ILRUN: variants seen among roughly 807,000 people sequenced by gnomAD.
ILRUN encodes the protein protein ILRUN.
A neutral mutation model predicts 33.8 loss-of-function variants in ILRUN; 3 were observed. The observed-to-expected ratio is 0.09, with a 90% CI of 0.04 to 0.23. The LOEUF is 0.23. Ranked by LOEUF, ILRUN falls within the 10% of genes least tolerant of loss-of-function variation. The probability of loss-of-function intolerance (pLI) is 1.00; values close to 1 mark genes in which losing one functional copy is unlikely to be tolerated. For synonymous variants in ILRUN, 124 were observed against 138.9 expected (o/e 0.89, Z 0.75); for missense variants, 210 against 375.1 (o/e 0.56, Z 3.64).
chr6:34,674,417 T>C (rs1038985007), intron 1 of ILRUN, among the ~76,000 whole-genome samples: 6 of 152,188 alleles, frequency 3.9e-5, no homozygotes, highest in African/African-American at 1.4e-4. Flanking sequence ...ACAGAGACAG[T>C]AACTTGCCAT....
intron 1 of ILRUN, among the ~76,000 whole-genome samples, chr6:34,669,748 C>T (rs996722326): frequency 1.3e-5 from 2 of 152,078 alleles, no homozygotes; most frequent in East Asian, 3.9e-4. Context: ...AATAAGTAAA[C>T]AAAATGTGGT....
intron 3 of ILRUN, among the ~76,000 whole-genome samples, chr6:34,618,178 A>G (rs2127336235): frequency 6.6e-6 from 1 of 152,332 alleles, no homozygotes; most frequent in African/African-American, 2.4e-5. Context: ...TTCAGAATGA[A>G]AAAGGAAAAA....
intron 3 of ILRUN, among the ~76,000 whole-genome samples, chr6:34,624,990 C>G (rs916339172): frequency 1.3e-5 from 2 of 152,252 alleles, no homozygotes; most frequent in South Asian, 4.2e-4. Flanking sequence ...TGCTCCCCAT[C>G]AATATCACAA....
intron 3 of ILRUN, among the ~76,000 whole-genome samples, chr6:34,635,612 CT>C (rs778064465): frequency 0.19 from 19,851 of 104,574 alleles, 1,344 homozygotes; most frequent in East Asian, 0.25. Context: ...TCTTAGAAAG[CT>C]TTTTTTTTTT....
chr6:34,608,737 A>G (rs1582040213), intron 3 of ILRUN, among the ~76,000 whole-genome samples: 1 of 152,222 alleles, frequency 6.6e-6, no homozygotes, highest in Admixed American at 6.5e-5. Flanking sequence ...AAACTCTACC[A>G]CCTATCCACA....
intron 1 of ILRUN, among the ~76,000 whole-genome samples, chr6:34,683,476 A>ATATATATG (rs1763437324): frequency 1.8e-5 from 2 of 113,370 alleles, no homozygotes; most frequent in African/African-American, 7.3e-5. Context: ...ATATATACAC[A>ATATATATG]TATATATATA....
intron 3 of ILRUN, among the ~76,000 whole-genome samples, chr6:34,624,322 T>A (rs891172449): frequency 4.0e-5 from 6 of 151,880 alleles, no homozygotes; most frequent in African/African-American, 1.5e-4. Context: ...TAATTTATTT[T>A]TTTATTTTTT....
At chr6:34,621,776 C>T (rs1762018075) in intron 3 of ILRUN, among the ~76,000 whole-genome samples, 1 of 151,966 alleles carries the variant, frequency 6.6e-6, no homozygotes, top group African/African-American at 2.4e-5. Flanking sequence ...GCAGGAGAAT[C>T]ACTTGAACCC....
chr6:34,592,525 C>G lies in ILRUN; in HGVS notation c.862-1925G>C, dbSNP rs1322981282. On this transcript the variant is annotated intron_variant, in intron 4 of 4. Coordinates refer to ENST00000374023, the MANE Select transcript of ILRUN (RefSeq NM_024294.4). This position sits in a 1 kb window ranked among gnomAD's most constrained non-coding sequence, Gnocchi z 4.0. ...TTGCAAGTCCTGGTAGGGGGGGTCC[C>G]ATACATCAGAGGTATCAAGTTCACG... Among the ~76,000 whole-genome samples the G allele has an allele frequency of 6.6e-6, 1 of 152,246 alleles. No homozygotes were observed. Among genetic ancestry groups the G allele is most frequent in the Non-Finnish European group, 1.5e-5 (1 of 68,052 alleles).
chr6:34,631,878 A>G (rs1380640678), intron 3 of ILRUN, among the ~76,000 whole-genome samples: 2 of 152,292 alleles, frequency 1.3e-5, no homozygotes, highest in East Asian at 1.9e-4. Context: ...CTTTAAAATG[A>G]TTTATTATGT....
chr6:34,593,736 C>T (rs1471503525), intron 4 of ILRUN, among the ~76,000 whole-genome samples: 11 of 152,068 alleles, frequency 7.2e-5, no homozygotes, highest in Non-Finnish European at 5.9e-5. Context: ...AAATTAATTA[C>T]CATCACTTCA....
Position 34,599,236 on chromosome 6 carries a change from G to A in ILRUN, c.861+7319C>T, listed in dbSNP as rs905271885. Among the ~76,000 whole-genome samples, 6 of 152,190 alleles carry A rather than the reference G, an allele frequency of 3.9e-5. 1 individual carries two copies. Among genetic ancestry groups the A allele is most frequent in the African/African-American group, 1.2e-4 (5 of 41,448 alleles). On this transcript the variant is annotated intron_variant, in intron 4 of 4. Coordinates refer to ENST00000374023, the MANE Select transcript of ILRUN (RefSeq NM_024294.4). ...ATACTTCCCTATTATTTTTTCAAATGAGGATTATAACTACGAAATCACAAG... is the reference window on the plus strand; with the variant it reads ...ATACTTCCCTATTATTTTTTCAAATAAGGATTATAACTACGAAATCACAAG...
At chr6:34,662,318 A>T (rs956536093) in intron 1 of ILRUN, among the ~76,000 whole-genome samples, 1 of 151,420 alleles carries the variant, frequency 6.6e-6, no homozygotes, top group African/African-American at 2.4e-5. Flanking sequence ...AAAAAAAAAA[A>T]AAGAAAAAGA....
At chr6:34,655,550 C>A in intron 1 of ILRUN, among the ~76,000 whole-genome samples, 1 of 152,104 alleles carries the variant, frequency 6.6e-6, no homozygotes, top group East Asian at 1.9e-4. Flanking sequence ...TAAAGAGCAT[C>A]CTCATTGTTT....
intron 2 of ILRUN, among the ~76,000 whole-genome samples, chr6:34,654,355 A>C (rs2127365521): frequency 6.6e-6 from 1 of 152,318 alleles, no homozygotes; most frequent in Admixed American, 6.5e-5. Context: ...TCTAGTTCCT[A>C]GTAACAAAAC....
chr6:34,617,710 C>A (rs922026719), intron 3 of ILRUN, among the ~76,000 whole-genome samples: 4 of 152,316 alleles, frequency 2.6e-5, no homozygotes, highest in African/African-American at 9.6e-5. Context: ...CGCATCCCTA[C>A]CCATTCTCAC....
chr6:34,673,854 C>CACAG lies in ILRUN; in HGVS notation c.159-19076_159-19075insCTGT, dbSNP rs1291941985. Among the ~76,000 whole-genome samples the CACAG allele has an allele frequency of 4.7e-5, 7 of 149,170 alleles. 1 individual carries two copies. The highest frequency in any genetic ancestry group is 1.8e-4 in the African/African-American group (7 of 39,764). On this transcript the variant is annotated intron_variant, in intron 1 of 4. Transcript: ENST00000374023. ...ACATACACACACACACACACACACACACACGCTGGGTGACAGAGAGATCCT... is the reference window on the plus strand; with the variant it reads ...ACATACACACACACACACACACACACACAGACACGCTGGGTGACAGAGAGATCCT...
chr6:34,624,174 G>C (rs912964266), intron 3 of ILRUN, among the ~76,000 whole-genome samples: 11 of 151,802 alleles, frequency 7.2e-5, no homozygotes, highest in African/African-American at 2.4e-4. Flanking sequence ...GTATAATTGG[G>C]ACATACTTGG....
chr6:34,693,918 G>A (rs1581565817), intron 1 of ILRUN, among the ~76,000 whole-genome samples: 1 of 151,974 alleles, frequency 6.6e-6, no homozygotes, highest in East Asian at 1.9e-4. Context: ...CAGCTTCCCA[G>A]GGTGATCCTC....
Sources: allele counts gnomAD v4.1 joint callset (sites outside exome capture counted in the v4.1 genomes callset), GRCh38; gene constraint gnomAD v4.1.1; non-coding constraint Gnocchi (gnomAD v3.1); transcripts MANE v1.5; gene names NCBI Gene and HGNC (gene_info 2026-07-23, HGNC 2026-07-21).